Variants in GPR143 observed in about 807,000 individuals in gnomAD.
GPR143 encodes G-protein coupled receptor 143.
GPR143 carries 8 observed loss-of-function variants against 27.6 expected under a neutral mutation model. That is an observed-to-expected ratio of 0.29 (90% CI 0.17 to 0.52). The LOEUF (loss-of-function observed/expected upper bound fraction) is 0.52. GPR143 is among the 20% of genes least tolerant of loss of function. The probability of loss-of-function intolerance (pLI) is 0.96; values close to 1 mark genes in which losing one functional copy is unlikely to be tolerated. For missense variants in GPR143, 303 were observed against 343.1 expected (o/e 0.88, Z 0.92); for synonymous variants, 156 against 153.2 (o/e 1.02, Z -0.13).
intron 6 of GPR143, among the ~76,000 whole-genome samples, chrX:9,741,908 A>AGAAAT (rs1391453002): frequency 9.0e-6 from 1 of 111,218 alleles, no homozygotes; most frequent in Non-Finnish European, 1.9e-5. Context: ...GAAAAAGAAA[A>AGAAAT]GAAATGAGAC....
intron 3 of GPR143, among the ~76,000 whole-genome samples, chrX:9,753,579 C>G (rs2083461152): frequency 9.0e-6 from 1 of 110,871 alleles, no homozygotes; most frequent in Admixed American, 9.6e-5. Context: ...GGCATGGAAG[C>G]GAATCCAGGT....
At chrX:9,743,843 C>A (rs2083415934) in intron 5 of GPR143, among the ~76,000 whole-genome samples, 170 bp from the exon 6 acceptor site, 1 of 112,179 alleles carries the variant, frequency 8.9e-6, no homozygotes. Context: ...TCCTCATAGA[C>A]CCTAAGGAAT....
intron 1 of GPR143, among the ~76,000 whole-genome samples, chrX:9,761,480 T>C (rs951114105): frequency 3.6e-5 from 4 of 112,619 alleles, no homozygotes; most frequent in African/African-American, 1.3e-4. Flanking sequence ...CCTATTTTGT[T>C]TGTCTGTTGG....
intron 1 of GPR143, among the ~76,000 whole-genome samples, chrX:9,775,939 T>C (rs187185455): frequency 1.5e-3 from 174 of 112,375 alleles, no homozygotes; most frequent in Non-Finnish European, 2.0e-3. Context: ...CTGTCTGCCT[T>C]GGAGTCCGCC....
Position 9,765,714 on chromosome X carries a change from C to A in GPR143, c.104G>T (p.Gly35Val). 3.6e-6 allele frequency: 4 copies of A among 1,117,885 alleles called. No individual in the cohort carries two copies. Among genetic ancestry groups the A allele is most frequent in the Non-Finnish European group, 4.7e-6 (4 of 854,487 alleles). The allele number at this position is 1,117,885 out of a possible 1,213,427, so 92.1% of individuals were successfully genotyped here. Reference protein sequence around the residue: ...QPRAFHALCLGSGGLRLALGL... With the variant: ...QPRAFHALCLVSGGLRLALGL... ...CAGCGCCAAGCGGAGCCCGCCGCTGCCCAGGCAGAGCGCGTGGAAGGCCCG... is the reference window on the plus strand; with the variant it reads ...CAGCGCCAAGCGGAGCCCGCCGCTGACCAGGCAGAGCGCGTGGAAGGCCCG... The change falls in exon 1 of 9, where the codon GGC (glycine) becomes GTC (valine). Residue 35 changes from glycine (G) to valine (V), a missense_variant. Transcript: ENST00000467482.
chrX:9,728,989 T>C (rs1166822647), intron 8 of GPR143, among the ~76,000 whole-genome samples: 1 of 110,970 alleles, frequency 9.0e-6, no homozygotes, highest in African/African-American at 3.3e-5. Flanking sequence ...TCAAGTGTGA[T>C]GAGCTGCTTG....
intron 1 of GPR143, among the ~76,000 whole-genome samples, chrX:9,773,480 T>TACACACAC (rs57491053): frequency 2.7e-3 from 275 of 102,732 alleles, no homozygotes; most frequent in African/African-American, 9.1e-3. Context: ...GCTTTGAAAG[T>TACACACAC]ACACACACAC....
intron 5 of GPR143, among the ~76,000 whole-genome samples, chrX:9,745,703 C>G (rs1352355381): frequency 3.6e-5 from 4 of 112,047 alleles, no homozygotes; most frequent in Non-Finnish European, 5.6e-5. Context: ...TCCCTTCCCC[C>G]TCCCTTCTCT....
upstream of GPR143, among the ~76,000 whole-genome samples, chrX:9,768,129 G>A (rs1286473986): frequency 8.9e-6 from 1 of 111,926 alleles, no homozygotes. Flanking sequence ...CTAGGGCCAT[G>A]GCACAGATGA....
intron 2 of GPR143, among the ~76,000 whole-genome samples, chrX:9,759,664 G>T (rs557790936): frequency 1.8e-5 from 2 of 111,804 alleles, no homozygotes; most frequent in East Asian, 5.6e-4. Flanking sequence ...TATGCAGGGA[G>T]GATGAAGTTC....
intron 1 of GPR143, among the ~76,000 whole-genome samples, 168 bp downstream of exon 1, chrX:9,765,400 G>T (rs1351001435): frequency 9.2e-6 from 1 of 108,451 alleles, no homozygotes; most frequent in Non-Finnish European, 1.9e-5. Flanking sequence ...CCCTGCACCG[G>T]GCAGGTTCCA....
chrX:9,745,123 C>T lies in GPR143; in HGVS notation c.658+921G>A, dbSNP rs1210233929. Among the ~76,000 whole-genome samples the T allele has an allele frequency of 3.6e-5, 4 of 111,503 alleles. No individual in the cohort carries two copies. In the East Asian group the frequency reaches 8.5e-4, roughly 24 times the overall value. ...AAAAAAAAGTAGCCGGGCGTGGTGG[C>T]GCTTGCCTGTAGTCCCAGCTACTCA... On this transcript the variant is annotated intron_variant, in intron 5 of 8. Coordinates refer to ENST00000467482, the MANE Select transcript of GPR143 (RefSeq NM_000273.3).
chrX:9,746,285 A>G (rs1199328483), intron 4 of GPR143, 132 bp from the exon 5 acceptor site: 2 of 505,387 alleles, frequency 4.0e-6, no homozygotes, highest in East Asian at 7.4e-5. Context: ...TGACTGCCCA[A>G]AGGAAATGTG....
upstream of GPR143, among the ~76,000 whole-genome samples, chrX:9,768,977 C>T (rs981781998): frequency 5.4e-5 from 6 of 111,555 alleles, no homozygotes; most frequent in African/African-American, 2.0e-4. Context: ...CATGCCTGGC[C>T]TGACAAAACT....
At chrX:9,738,290 G>A (rs763308024) in intron 8 of GPR143, 5 of 203,181 alleles carry the variant, frequency 2.5e-5, no homozygotes, top group Non-Finnish European at 3.7e-5. Context: ...ACAGCAGGAT[G>A]GGAATGCAAA....
At chrX:9,761,223 G>A (rs750917861) in intron 1 of GPR143, among the ~76,000 whole-genome samples, 116 of 110,909 alleles carry the variant, frequency 1.0e-3, no homozygotes, top group Admixed American at 2.2e-3. Context: ...CCTCCCGAGT[G>A]GCTGGGATTA....
At chrX:9,760,240 C>G (rs938871578) in intron 2 of GPR143, among the ~76,000 whole-genome samples, 1 of 110,600 alleles carries the variant, frequency 9.0e-6, no homozygotes, top group Non-Finnish European at 1.9e-5. Flanking sequence ...CATGGGCACA[C>G]ACCACCACGC....
intron 1 of GPR143, among the ~76,000 whole-genome samples, chrX:9,771,563 A>C (rs999143427): frequency 5.4e-5 from 6 of 111,046 alleles, no homozygotes; most frequent in Admixed American, 9.7e-5. Flanking sequence ...TATGGCTCCT[A>C]CTTTGAGTGC....
chrX:9,763,245 G>A (rs960890446), intron 1 of GPR143, among the ~76,000 whole-genome samples: 1 of 110,962 alleles, frequency 9.0e-6, no homozygotes, highest in Admixed American at 9.6e-5. Flanking sequence ...TTAGGAGGCC[G>A]AAGTAGGAGG....
Sources: gnomAD v4.1 joint callset for allele counts (sites outside exome capture counted in the v4.1 genomes callset) on GRCh38, gnomAD v4.1.1 for gene constraint, MANE v1.5 for transcripts, NCBI Gene and HGNC (gene_info 2026-07-23, HGNC 2026-07-21) for gene names.